The following VPS13B variants were observed in gnomAD, a reference collection of about 807,000 sequenced individuals.
The protein encoded by VPS13B is vacuolar protein sorting 13 homolog B.
Under a neutral mutation model 426.4 loss-of-function variants are expected in VPS13B, and 285 were observed. The observed-to-expected ratio is 0.67, with a 90% CI of 0.61 to 0.74. The LOEUF is 0.74. Among genes scored for constraint, VPS13B ranks in the 30% least tolerant of loss-of-function variants. The pLI is 0.00. For synonymous variants in VPS13B, 1,676 were observed against 1,676.4 expected (o/e 1.00, Z 0.01); for missense variants, 4,537 against 4,782.6 (o/e 0.95, Z 1.51).
intron 37 of VPS13B, among the ~76,000 whole-genome samples, chr8:99,718,221 G>A (rs1832998970): frequency 1.3e-5 from 2 of 151,848 alleles, no homozygotes; most frequent in South Asian, 2.1e-4. Flanking sequence ...GTAGAACTAT[G>A]TGCCACCACA....
At chr8:99,590,525 G>A (rs900228195) in intron 33 of VPS13B, among the ~76,000 whole-genome samples, 1 of 152,100 alleles carries the variant, frequency 6.6e-6, no homozygotes, top group Non-Finnish European at 1.5e-5. Flanking sequence ...CAGAGATTCT[G>A]GTACATTGTG....
rs1209495278 is a variant in VPS13B, at chr8:99,147,904, T to G, written c.1907T>G (p.Ile636Ser). 1 of 1,613,098 alleles carries G rather than the reference T, an allele frequency of 6.2e-7. No homozygotes were observed. Among genetic ancestry groups the G allele is most frequent in the African/African-American group, 1.3e-5 (1 of 74,898 alleles). ...PEEVALLEEY[I>S]PTRHTSVTLL... ...GAGGTGGCTCTTCTGGAGGAATATA[T>G]TCCTACTCGACATACAAGTGTTACT... is the stretch of plus-strand genomic sequence containing the variant. Residue 636 changes from isoleucine to serine, a missense_variant, in exon 14 of 62, where the codon ATT becomes AGT. Transcript: ENST00000357162.
chr8:99,090,883 C>T (rs963732637), intron 3 of VPS13B, among the ~76,000 whole-genome samples: 4 of 151,902 alleles, frequency 2.6e-5, no homozygotes, highest in African/African-American at 9.7e-5. Flanking sequence ...CCCTGAATTT[C>T]TGCCTATTTC....
At chr8:99,385,029 CAA>C (rs1173222963) in intron 20 of VPS13B, among the ~76,000 whole-genome samples, 1 of 152,086 alleles carries the variant, frequency 6.6e-6, no homozygotes, top group East Asian at 1.9e-4. Flanking sequence ...GTTTTTTCAA[CAA>C]ACATGCATCG....
intron 35 of VPS13B, among the ~76,000 whole-genome samples, chr8:99,685,134 T>G (rs1831331174): frequency 6.6e-6 from 1 of 152,254 alleles, no homozygotes; most frequent in African/African-American, 2.4e-5. Context: ...TTAGATATTT[T>G]TCCTTTCAGG....
At chr8:99,427,493 C>T (rs1312605061) in intron 21 of VPS13B, among the ~76,000 whole-genome samples, 2 of 151,374 alleles carry the variant, frequency 1.3e-5, no homozygotes, top group Non-Finnish European at 1.5e-5. Context: ...ACACCAATAA[C>T]AGACAAACAG....
intron 39 of VPS13B, among the ~76,000 whole-genome samples, chr8:99,731,734 A>G (rs1487840802): frequency 6.6e-6 from 1 of 152,212 alleles, no homozygotes; most frequent in Non-Finnish European, 1.5e-5. Flanking sequence ...GACAACTAAT[A>G]TGGTAATTTA....
At chr8:99,054,943 G>A (rs1297361340) in intron 3 of VPS13B, among the ~76,000 whole-genome samples, 1 of 151,802 alleles carries the variant, frequency 6.6e-6, no homozygotes, top group African/African-American at 2.4e-5. Flanking sequence ...ATTGGTTTGT[G>A]TGTGTGTTCT....
chr8:99,496,884 A>C (rs1820916518), intron 25 of VPS13B, among the ~76,000 whole-genome samples: 1 of 151,808 alleles, frequency 6.6e-6, no homozygotes, highest in Non-Finnish European at 1.5e-5. Flanking sequence ...GACAAAATTA[A>C]ATTCCTCTGA....
intron 33 of VPS13B, among the ~76,000 whole-genome samples, chr8:99,617,159 G>A (rs1828131065): frequency 6.6e-6 from 1 of 152,096 alleles, no homozygotes; most frequent in South Asian, 2.1e-4. Flanking sequence ...GAGTAAATTT[G>A]GGAGCTAAGA....
chr8:99,116,927 T>C (rs1563549841), intron 7 of VPS13B, among the ~76,000 whole-genome samples: 1 of 152,220 alleles, frequency 6.6e-6, no homozygotes, highest in Non-Finnish European at 1.5e-5. Flanking sequence ...ATGTATTTCT[T>C]TCCCTTAGAA....
At chr8:99,312,799 G>A (rs1367733428) in intron 19 of VPS13B, among the ~76,000 whole-genome samples, 1 of 152,190 alleles carries the variant, frequency 6.6e-6, no homozygotes, top group Non-Finnish European at 1.5e-5. Context: ...TCACTTTCAA[G>A]TACACCAATC....
chr8:99,698,550 AACTT>A (rs1329541590), intron 35 of VPS13B, among the ~76,000 whole-genome samples: 1 of 152,234 alleles, frequency 6.6e-6, no homozygotes, highest in Non-Finnish European at 1.5e-5. Context: ...TATGATTTAT[AACTT>A]AATAATAATA....
intron 17 of VPS13B, among the ~76,000 whole-genome samples, chr8:99,203,782 C>G (rs1184341527): frequency 6.6e-6 from 1 of 152,220 alleles, no homozygotes; most frequent in Non-Finnish European, 1.5e-5. Flanking sequence ...GAATAAAATA[C>G]CTAGGAATCC....
At position 99,350,002 on chromosome 8, in the gene VPS13B, AAG is replaced by A. The variant is rs752684502; in HGVS notation, c.2825-34200_2825-34199del. On this transcript the variant is annotated intron_variant, in intron 19 of 61. Coordinates refer to ENST00000357162, the MANE Select transcript of VPS13B (RefSeq NM_152564.5). ...ATTGCGATTGCAGTAAACATCACAGAAGAGAGATACATCAGTGTTATGAGATT... is the reference window on the plus strand; with the variant it reads ...ATTGCGATTGCAGTAAACATCACAGAAGAGATACATCAGTGTTATGAGATT... 3.3e-5 allele frequency among the ~76,000 whole-genome samples: 5 copies of A among 152,186 alleles called. No individual in the cohort carries two copies. The East Asian group carries it at 9.6e-4, about 29-fold the overall frequency.
chr8:99,183,649 G>A (rs1245289612), intron 16 of VPS13B, among the ~76,000 whole-genome samples: 1 of 152,028 alleles, frequency 6.6e-6, no homozygotes, highest in African/African-American at 2.4e-5. Context: ...GTGTTTCAGA[G>A]TGTTGGAAAA....
At chr8:99,625,146 T>G (rs1207834843) in intron 33 of VPS13B, among the ~76,000 whole-genome samples, 1 of 152,240 alleles carries the variant, frequency 6.6e-6, no homozygotes, top group South Asian at 2.1e-4. Context: ...AAGTTAGATA[T>G]AACATGCAGG....
rs373141658 is a variant in VPS13B at position 99,875,714 on chromosome 8, T to C, written c.*48T>C. 3 of 1,613,240 alleles carry C rather than the reference T, an allele frequency of 1.9e-6. No individual in the cohort carries two copies. The African/African-American group carries it at 4.0e-5, about 22-fold the overall frequency. ...CTGCTTGTGTGATTTAGTTTTTGGG[T>C]TTCTTTGAGACAGGGTCTCACTGCA... On this transcript the variant is annotated 3_prime_UTR_variant, in exon 62 of 62. Transcript: ENST00000357162.
At chr8:99,382,066 A>C (rs1813844965) in intron 19 of VPS13B, among the ~76,000 whole-genome samples, 1 of 152,140 alleles carries the variant, frequency 6.6e-6, no homozygotes, top group Non-Finnish European at 1.5e-5. Context: ...TTCCAGCACC[A>C]TTTATTGCGT....
Sources: allele counts gnomAD v4.1 joint callset (sites outside exome capture counted in the v4.1 genomes callset), GRCh38; gene constraint gnomAD v4.1.1; transcripts MANE v1.5; gene names NCBI Gene and HGNC (gene_info 2026-07-23, HGNC 2026-07-21).